The following SEPTIN14 variants were observed in gnomAD, a reference collection of about 807,000 sequenced individuals.
SEPTIN14 encodes the protein septin 14, also known as septin-14.
A neutral mutation model predicts 53.6 loss-of-function variants in SEPTIN14; 40 were observed. That is an observed-to-expected ratio of 0.75 (90% CI 0.58 to 0.97). SEPTIN14 has a LOEUF of 0.97. SEPTIN14 is among the 50% of genes least tolerant of loss of function. SEPTIN14 has a pLI of 0.00. For synonymous variants in SEPTIN14, 138 were observed against 166.8 expected (o/e 0.83, Z 1.33); for missense variants, 471 against 508.2 (o/e 0.93, Z 0.70).
intron 6 of SEPTIN14, among the ~76,000 whole-genome samples, chr7:55,829,804 G>C (rs1789061857): frequency 1.0e-5 from 1 of 99,978 alleles, no homozygotes; most frequent in Non-Finnish European, 1.8e-5. Context: ...CTGGGTGACA[G>C]AACGAGACTC....
chr7:55,808,492 T>C (rs1788644046), intron 7 of SEPTIN14, among the ~76,000 whole-genome samples: 1 of 152,224 alleles, frequency 6.6e-6, no homozygotes, highest in African/African-American at 2.4e-5. Context: ...TAGAAATATA[T>C]ATACACTGCT....
At position 55,834,530 on chromosome 7, in the gene SEPTIN14, CTG is replaced by C; in HGVS notation, c.613_614del (p.Gln205AspfsTer3). ...CACTCATTATCTTATTCTTAAACGT[CTG>C]TAAATCATTTTTAGAAATAGTGTCT... ...KADTISKNDL[Q>X]TFKNKIMSEL... is the part of the protein sequence containing the mutation. On this transcript the variant is annotated frameshift_variant, in exon 6 of 10. Coordinates refer to ENST00000388975, the MANE Select transcript of SEPTIN14 (RefSeq NM_207366.3). LOFTEE classifies it high-confidence loss of function. 1 of 1,611,040 alleles carries C rather than the reference CTG, an allele frequency of 6.2e-7. No individual in the cohort carries two copies. The highest frequency in any genetic ancestry group is 8.5e-7 in the Non-Finnish European group (1 of 1,177,394).
At chr7:55,858,778 T>C (rs1277375833) in intron 2 of SEPTIN14, among the ~76,000 whole-genome samples, 2 of 151,974 alleles carry the variant, frequency 1.3e-5, no homozygotes, top group Non-Finnish European at 2.9e-5. Context: ...CACTCCAGCC[T>C]GGGCAACAAG....
chr7:55,811,029 T>C, intron 7 of SEPTIN14: 2 of 456,258 alleles, frequency 4.4e-6, no homozygotes, highest in Non-Finnish European at 8.4e-6. Context: ...CTTATGTTTA[T>C]TTTCTTCTTC....
At chr7:55,818,464 C>A (rs2115991618) in intron 7 of SEPTIN14, among the ~76,000 whole-genome samples, 3 of 116,284 alleles carry the variant, frequency 2.6e-5, no homozygotes, top group East Asian at 5.7e-4. Context: ...ACGAGTGAAA[C>A]TCTGTCTCAA....
In SEPTIN14 at chr7:55,793,879, A is replaced by G. The variant is rs1788382190; in HGVS notation, c.*2034T>C. ...TCAACTAAAGATAAAAGAAGTAAAT[A>G]ATTGAGAAAATGACTGGCAAAAATC... On this transcript the variant is annotated 3_prime_UTR_variant, in exon 10 of 10. Transcript: ENST00000388975. 2.6e-5 allele frequency: 4 copies of G among 152,174 alleles called. No homozygotes were observed. The highest frequency in any genetic ancestry group is 5.9e-5 in the Non-Finnish European group (4 of 68,010). 9.4% of individuals were successfully genotyped at this position (152,174 alleles called of 1,614,324 possible). A position where few individuals can be genotyped will look rare whatever the true frequency, so the allele number is the denominator to read the frequency against.
At position 55,805,310 on chromosome 7, in the gene SEPTIN14, A is replaced by C; in HGVS notation, c.1067T>G (p.Phe356Cys). Residue 356 changes from phenylalanine to cysteine, a missense_variant, in exon 9 of 10, where the codon TTT (phenylalanine) becomes TGT (cysteine). Phe to Cys is a radical substitution (Grantham distance 205). Coordinates refer to ENST00000388975, the MANE Select transcript of SEPTIN14 (RefSeq NM_207366.3). ...TTCTTTCTCCTTGACTCGCTGCATA[A>C]ATCTCTGTTTCAACTCTTCTTCTTC... is the stretch of plus-strand genomic sequence containing the variant. ...QREEEELKQR[F>C]MQRVKEKEAT... is the part of the protein sequence containing the mutation. The C allele has an allele frequency of 6.2e-7, 1 of 1,612,196 alleles. No homozygotes were observed.
intron 7 of SEPTIN14, among the ~76,000 whole-genome samples, chr7:55,815,114 T>C (rs1348032980): frequency 1.3e-5 from 2 of 152,136 alleles, no homozygotes; most frequent in African/African-American, 4.8e-5. Flanking sequence ...AACTAGACTT[T>C]TATCTCTCAA....
At chr7:55,861,551 G>A (rs886400156) in intron 2 of SEPTIN14, among the ~76,000 whole-genome samples, 2 of 150,828 alleles carry the variant, frequency 1.3e-5, no homozygotes, top group Non-Finnish European at 2.9e-5. Flanking sequence ...AAAGCAATCA[G>A]CAAGCAGCCA....
At chr7:55,807,524 T>C (rs112971005) in intron 7 of SEPTIN14, among the ~76,000 whole-genome samples, 3 of 152,324 alleles carry the variant, frequency 2.0e-5, no homozygotes, top group African/African-American at 7.2e-5. Context: ...TAATATTTTA[T>C]GTGCATATAT....
intron 5 of SEPTIN14, among the ~76,000 whole-genome samples, chr7:55,838,991 C>G (rs1285048140): frequency 6.6e-6 from 1 of 152,202 alleles, no homozygotes; most frequent in African/African-American, 2.4e-5. Context: ...CCCACTCCTT[C>G]TCACCCTGGA....
At chr7:55,802,389 A>G (rs532744940) in intron 9 of SEPTIN14, among the ~76,000 whole-genome samples, 2 of 152,328 alleles carry the variant, frequency 1.3e-5, no homozygotes, top group South Asian at 4.1e-4. Context: ...AGAAAAAAAA[A>G]TTATAGGCCA....
At chr7:55,799,233 C>T (rs1415366815) in intron 9 of SEPTIN14, among the ~76,000 whole-genome samples, 1 of 151,654 alleles carries the variant, frequency 6.6e-6, no homozygotes, top group African/African-American at 2.4e-5. Context: ...TGGCTGGGCG[C>T]AGTGGCTCAT....
intron 6 of SEPTIN14, among the ~76,000 whole-genome samples, chr7:55,831,787 C>A (rs1789111902): frequency 6.6e-6 from 1 of 152,114 alleles, no homozygotes; most frequent in African/African-American, 2.4e-5. Context: ...GAATAAACAA[C>A]CTCATTAAAA....
chr7:55,809,657 G>C (rs1788667423), intron 7 of SEPTIN14, among the ~76,000 whole-genome samples: 2 of 149,706 alleles, frequency 1.3e-5, no homozygotes, highest in Admixed American at 1.3e-4. Flanking sequence ...GCTCCAGCCA[G>C]TACTATGCTA....
At chr7:55,841,188 C>T (rs1052304245) in intron 5 of SEPTIN14, among the ~76,000 whole-genome samples, 1 of 152,058 alleles carries the variant, frequency 6.6e-6, no homozygotes, top group Non-Finnish European at 1.5e-5. Context: ...GGATTACAGG[C>T]GTGAGCCTCC....
At chr7:55,842,539 G>C (rs1268506057) in intron 5 of SEPTIN14, among the ~76,000 whole-genome samples, 1 of 151,564 alleles carries the variant, frequency 6.6e-6, no homozygotes. Context: ...GGAGGTTGAG[G>C]CTGCAGTGAG....
intron 6 of SEPTIN14, 71 bp downstream of exon 6, chr7:55,834,351 TAAA>T (rs1789165133): frequency 8.5e-7 from 1 of 1,173,270 alleles, no homozygotes; most frequent in Non-Finnish European, 1.2e-6. Flanking sequence ...TTAAAAAAAT[TAAA>T]AATTCTCACA....
At chr7:55,823,995 C>A (rs1173425187) in intron 6 of SEPTIN14, among the ~76,000 whole-genome samples, 1 of 151,018 alleles carries the variant, frequency 6.6e-6, no homozygotes, top group South Asian at 2.1e-4. Flanking sequence ...AAGGTAAATT[C>A]TTTTATGCCT....
Sources: allele counts gnomAD v4.1 joint callset (sites outside exome capture counted in the v4.1 genomes callset), GRCh38; gene constraint gnomAD v4.1.1; transcripts MANE v1.5; gene names NCBI Gene and HGNC (gene_info 2026-07-23, HGNC 2026-07-21).